RYR2: variants seen among roughly 807,000 people sequenced by gnomAD.
RYR2 encodes ryanodine receptor 2.
Under a neutral mutation model 601.1 loss-of-function variants are expected in RYR2, and 227 were observed. The observed-to-expected ratio is 0.38, with a 90% CI of 0.34 to 0.42. The LOEUF (loss-of-function observed/expected upper bound fraction) is 0.42. RYR2 is among the 10% of genes least tolerant of loss of function. RYR2 has a pLI of 1.00. For synonymous variants in RYR2, 2,223 were observed against 2,175.1 expected (o/e 1.02, Z -0.61); for missense variants, 4,646 against 6,156.5 (o/e 0.75, Z 8.21).
At chr1:237,312,508 C>T (rs896620330) in intron 2 of RYR2, among the ~76,000 whole-genome samples, 14 of 152,052 alleles carry the variant, frequency 9.2e-5, no homozygotes, top group Admixed American at 2.0e-4. Context: ...ATTTCCAGGG[C>T]GAAGATGACA....
Position 237,327,006 on chromosome 1 carries a change from TGAA to T in RYR2, c.169-3868_169-3866del, listed in dbSNP as rs1327372099. 8.5e-4 allele frequency among the ~76,000 whole-genome samples: 129 copies of T among 152,350 alleles called. 2 individuals are homozygous for T. Among genetic ancestry groups the T allele is most frequent in the Non-Finnish European group, 5.9e-5 (4 of 68,032 alleles). Reference sequence around the variant, plus strand: ...TTATTTGAAGAAATAGACATCTAAATGAAGAAATACTTTTAGTTGTTGACTTTA... The same window carrying T: ...TTATTTGAAGAAATAGACATCTAAATGAAATACTTTTAGTTGTTGACTTTA... On this transcript the variant is annotated intron_variant, in intron 2 of 104. Coordinates refer to ENST00000366574, the MANE Select transcript of RYR2 (RefSeq NM_001035.3).
chr1:237,507,295 G>C (rs1378705615), intron 23 of RYR2, among the ~76,000 whole-genome samples: 1 of 152,220 alleles, frequency 6.6e-6, no homozygotes, highest in Non-Finnish European at 1.5e-5. Flanking sequence ...TGAAGACTGA[G>C]AAACCATGAT....
intron 17 of RYR2, among the ~76,000 whole-genome samples, chr1:237,475,577 A>G (rs1661310367): frequency 6.6e-6 from 1 of 152,210 alleles, no homozygotes; most frequent in Non-Finnish European, 1.5e-5. Flanking sequence ...GGAAGCAAAA[A>G]TTATACAGAG....
intron 1 of RYR2, among the ~76,000 whole-genome samples, chr1:237,218,069 T>G (rs1009958287): frequency 6.6e-6 from 1 of 152,200 alleles, no homozygotes; most frequent in Non-Finnish European, 1.5e-5. Flanking sequence ...GCTTTTCGGT[T>G]GCACATTCAT....
intron 10 of RYR2, among the ~76,000 whole-genome samples, chr1:237,416,288 C>G (rs974891441): frequency 2.6e-5 from 4 of 152,066 alleles, no homozygotes; most frequent in African/African-American, 7.2e-5. Flanking sequence ...AAGACAGACC[C>G]TATAGAGAGG....
rs370103655 is a variant in RYR2 at position 237,801,830 on chromosome 1, C to T, written c.14091-26C>T. The T allele has an allele frequency of 2.1e-5, 30 of 1,448,138 alleles. No individual in the cohort carries two copies. In the African/African-American group the frequency reaches 3.0e-4, roughly 15 times the overall value. The allele number at this position is 1,448,138 out of a possible 1,614,324, so 89.7% of individuals were successfully genotyped here. ...AGTCTTTGGTTAATGTGCATAACTA[C>T]GCATTTTTTTTTTTTGTCATTGCAG... On this transcript the variant is annotated intron_variant, in intron 97 of 104. Transcript: ENST00000366574.
intron 2 of RYR2, among the ~76,000 whole-genome samples, chr1:237,279,836 G>A (rs995526617): frequency 2.6e-5 from 4 of 152,112 alleles, no homozygotes; most frequent in South Asian, 2.1e-4. Context: ...ATTCATCATC[G>A]TGGACTCTGG....
At chr1:237,164,031 A>T (rs1448473500) in intron 1 of RYR2, among the ~76,000 whole-genome samples, 4 of 152,190 alleles carry the variant, frequency 2.6e-5, no homozygotes, top group Admixed American at 1.3e-4. Flanking sequence ...TACACCTGTA[A>T]TCCCAGCACT....
chr1:237,412,752 C>T (rs1316210953), intron 10 of RYR2, among the ~76,000 whole-genome samples: 3 of 152,138 alleles, frequency 2.0e-5, no homozygotes, highest in African/African-American at 7.2e-5. Flanking sequence ...ATGATTACCT[C>T]AAAAGGTGCT....
At chr1:237,263,884 A>T (rs963840649) in intron 1 of RYR2, among the ~76,000 whole-genome samples, 20 of 152,100 alleles carry the variant, frequency 1.3e-4, no homozygotes, top group Non-Finnish European at 2.5e-4. Context: ...AGAAAAATTT[A>T]AAAAAAGCAA....
At chr1:237,697,077 A>G (rs2257078) in intron 63 of RYR2, among the ~76,000 whole-genome samples, 40,354 of 151,290 alleles carry the variant, frequency 0.27, 6,281 homozygotes, top group Middle Eastern at 0.51. Flanking sequence ...AACCTCTCCA[A>G]CTCATACTCT....
Position 237,614,792 on chromosome 1 carries a change from G to A in RYR2, c.5664G>A (p.Arg1888=), listed in dbSNP as rs758277755. ...AGEEEAKGGK[R]PKEGLLQMKL... ...AGGAAGAAGCCAAGGGGGGCAAGCG[G>A]CCCAAGGAAGGCCTGCTCCAAATGA... The change falls in exon 37 of 105, where the codon CGG becomes CGA. Residue 1888 remains arginine, a synonymous_variant. Transcript: ENST00000366574. The surrounding 1 kb of genome is among the most constrained non-coding windows in gnomAD (Gnocchi z 4.3). 3 of 1,605,916 alleles carry A rather than the reference G, an allele frequency of 1.9e-6. No homozygotes were observed. Among genetic ancestry groups the A allele is most frequent in the Non-Finnish European group, 1.7e-6 (2 of 1,174,868 alleles).
At chr1:237,473,372 C>T (rs957850426) in intron 17 of RYR2, among the ~76,000 whole-genome samples, 13 of 151,794 alleles carry the variant, frequency 8.6e-5, no homozygotes, top group Admixed American at 4.6e-4. Context: ...TGCGGTGAGC[C>T]GAGATTGCAC....
intron 35 of RYR2, among the ~76,000 whole-genome samples, chr1:237,602,576 G>A (rs1676629702): frequency 6.6e-6 from 1 of 152,182 alleles, no homozygotes. Context: ...CTTGGGGTAC[G>A]TTTATTAGGA....
intron 22 of RYR2, among the ~76,000 whole-genome samples, chr1:237,504,625 C>G (rs1665022078): frequency 6.6e-6 from 1 of 152,150 alleles, no homozygotes; most frequent in Admixed American, 6.6e-5. Context: ...ATAATAGCAA[C>G]AGGTGGAACT....
At chr1:237,364,099 G>C (rs558751932) in intron 4 of RYR2, among the ~76,000 whole-genome samples, 66 of 152,220 alleles carry the variant, frequency 4.3e-4, no homozygotes, top group Admixed American at 3.9e-4. Flanking sequence ...ACTGAAAGTA[G>C]AGCAGCATGT....
intron 25 of RYR2, among the ~76,000 whole-genome samples, chr1:237,535,488 C>CAT (rs1335291770): frequency 2.1e-5 from 3 of 143,894 alleles, no homozygotes; most frequent in African/African-American, 5.3e-5. Context: ...CACACATACA[C>CAT]ACACACACAC....
At chr1:237,317,247 C>T (rs1042924707) in intron 2 of RYR2, among the ~76,000 whole-genome samples, 10 of 152,128 alleles carry the variant, frequency 6.6e-5, no homozygotes, top group African/African-American at 2.4e-4. Context: ...ATAACTCTAC[C>T]TCAGAAGTGT....
intron 1 of RYR2, among the ~76,000 whole-genome samples, chr1:237,144,959 A>G (rs1030229170): frequency 8.6e-5 from 13 of 151,950 alleles, no homozygotes; most frequent in African/African-American, 2.7e-4. Context: ...ACCACTATAC[A>G]TGATTCCCTG....
Sources: gnomAD v4.1 joint callset for allele counts (sites outside exome capture counted in the v4.1 genomes callset) on GRCh38, gnomAD v4.1.1 for gene constraint, Gnocchi (gnomAD v3.1) non-coding constraint, MANE v1.5 for transcripts, NCBI Gene and HGNC (gene_info 2026-07-23, HGNC 2026-07-21) for gene names.